The following RBPMS variants were observed in gnomAD, a reference collection of about 807,000 sequenced individuals.
RBPMS encodes RNA-binding protein with multiple splicing.
In RBPMS, 7 loss-of-function variants were observed where a neutral mutation model predicts 26.8. That is an observed-to-expected ratio of 0.26 (90% CI 0.15 to 0.49). The LOEUF is 0.49. Among genes scored for constraint, RBPMS ranks in the 20% least tolerant of loss-of-function variants. The probability of loss-of-function intolerance (pLI) is 0.98; values close to 1 mark genes in which losing one functional copy is unlikely to be tolerated. For synonymous variants in RBPMS, 96 were observed against 93.3 expected (o/e 1.03, Z -0.17); for missense variants, 186 against 250.0 (o/e 0.74, Z 1.73).
At chr8:30,490,552 G>A (rs1344000499) in intron 4 of RBPMS, among the ~76,000 whole-genome samples, 2 of 151,478 alleles carry the variant, frequency 1.3e-5, no homozygotes, top group Admixed American at 6.6e-5. Context: ...CTCTGCCTCC[G>A]GGGTTCAAGT....
chr8:30,529,241 A>G (rs2151006051), intron 5 of RBPMS, among the ~76,000 whole-genome samples: 1 of 152,158 alleles, frequency 6.6e-6, no homozygotes, highest in East Asian at 1.9e-4. Context: ...ATTGTGGTAA[A>G]ATATATATGA....
At chr8:30,511,489 ATAT>A (rs1821665380) in intron 5 of RBPMS, among the ~76,000 whole-genome samples, 3 of 7,576 alleles carry the variant, frequency 4.0e-4, no homozygotes, top group African/African-American at 8.8e-4. Flanking sequence ...AAAAAAAAAT[ATAT>A]ATATATATAT....
chr8:30,474,416 C>T (rs1365525064), intron 1 of RBPMS, among the ~76,000 whole-genome samples: 1 of 152,010 alleles, frequency 6.6e-6, no homozygotes, highest in Non-Finnish European at 1.5e-5. Flanking sequence ...TATATGGAAC[C>T]TCCCCCCATC....
At chr8:30,470,515 A>T (rs956224940) in intron 1 of RBPMS, among the ~76,000 whole-genome samples, 3 of 152,154 alleles carry the variant, frequency 2.0e-5, no homozygotes, top group African/African-American at 7.2e-5. Context: ...TAGTCTGAGG[A>T]GGTCTCTAGG....
At chr8:30,409,566 C>G (rs567686817) in intron 1 of RBPMS, among the ~76,000 whole-genome samples, 1 of 152,330 alleles carries the variant, frequency 6.6e-6, no homozygotes, top group East Asian at 1.9e-4. Flanking sequence ...GGCTTTCCCC[C>G]AATAGGACTG....
At chr8:30,548,272 C>T (rs1353444555) in intron 6 of RBPMS, among the ~76,000 whole-genome samples, 1 of 152,184 alleles carries the variant, frequency 6.6e-6, no homozygotes, top group Non-Finnish European at 1.5e-5. Context: ...ACACTTCCGC[C>T]TCTTAGGTTT....
intron 1 of RBPMS, among the ~76,000 whole-genome samples, chr8:30,463,559 G>A (rs911447115): frequency 1.3e-5 from 2 of 152,172 alleles, no homozygotes; most frequent in African/African-American, 4.8e-5. Flanking sequence ...CTTTTTTGAT[G>A]CAGTCTTAGA....
At chr8:30,438,826 T>C (rs1369042958) in intron 1 of RBPMS, among the ~76,000 whole-genome samples, 1 of 152,106 alleles carries the variant, frequency 6.6e-6, no homozygotes, top group African/African-American at 2.4e-5. Flanking sequence ...CCGGCTGGAG[T>C]GCAGTGGTGC....
chr8:30,453,723 A>G (rs1255377038), intron 1 of RBPMS: 1 of 152,208 alleles, frequency 6.6e-6, no homozygotes, highest in Non-Finnish European at 1.5e-5. Context: ...CCTCTGCTCC[A>G]AGATCAAGAA....
intron 5 of RBPMS, among the ~76,000 whole-genome samples, chr8:30,527,022 G>A (rs897757594): frequency 5.9e-5 from 9 of 152,204 alleles, no homozygotes; most frequent in African/African-American, 9.7e-5. Context: ...AAAAGGGCAT[G>A]CTAGCCTGTT....
At chr8:30,559,150 G>C (rs534702728) in intron 7 of RBPMS, among the ~76,000 whole-genome samples, 194 bp downstream of exon 7, 1 of 152,292 alleles carries the variant, frequency 6.6e-6, no homozygotes, top group South Asian at 2.1e-4. Context: ...CCTAGGTACG[G>C]GTGCTAGTCT....
intron 5 of RBPMS, among the ~76,000 whole-genome samples, chr8:30,529,274 G>C (rs1176889419): frequency 4.0e-5 from 6 of 150,850 alleles, no homozygotes; most frequent in Non-Finnish European, 7.4e-5. Context: ...ATTTTTTTTA[G>C]TGTACAATTC....
At chr8:30,425,125 T>C (rs1811207691) in intron 1 of RBPMS, among the ~76,000 whole-genome samples, 1 of 152,014 alleles carries the variant, frequency 6.6e-6, no homozygotes, top group Admixed American at 6.6e-5. Context: ...CCAACTAATT[T>C]TCTGTAGTTT....
At chr8:30,409,179 T>G (rs891417782) in intron 1 of RBPMS, among the ~76,000 whole-genome samples, 2 of 152,088 alleles carry the variant, frequency 1.3e-5, no homozygotes, top group Non-Finnish European at 2.9e-5. Context: ...CAATGTCTAG[T>G]GCCTAGAGCG....
At chr8:30,392,765 G>T (rs545442536) in intron 1 of RBPMS, among the ~76,000 whole-genome samples, 20 of 152,096 alleles carry the variant, frequency 1.3e-4, no homozygotes, top group Non-Finnish European at 2.6e-4. Context: ...TTTCTCCTTC[G>T]GGTGGCTAGC....
At chr8:30,504,109 T>C (rs1458038357) in intron 4 of RBPMS, among the ~76,000 whole-genome samples, 177 bp from the exon 5 acceptor site, 2 of 152,224 alleles carry the variant, frequency 1.3e-5, no homozygotes, top group Non-Finnish European at 2.9e-5. Flanking sequence ...TCCCACTGAC[T>C]TTCGGGACAC....
At chr8:30,391,499 C>T (rs1232780421) in intron 1 of RBPMS, among the ~76,000 whole-genome samples, 4 of 152,198 alleles carry the variant, frequency 2.6e-5, no homozygotes, top group Non-Finnish European at 4.4e-5. Context: ...GGAGAATGAA[C>T]CTTAAAAGCT....
chr8:30,411,994 A>C (rs925370082), intron 1 of RBPMS, among the ~76,000 whole-genome samples: 1 of 151,872 alleles, frequency 6.6e-6, no homozygotes, highest in Non-Finnish European at 1.5e-5. Context: ...TCAAAAAAAA[A>C]AAAAAAACAA....
intron 5 of RBPMS, among the ~76,000 whole-genome samples, chr8:30,524,297 T>C (rs1306005074): frequency 6.6e-6 from 1 of 152,146 alleles, no homozygotes; most frequent in East Asian, 1.9e-4. Context: ...ATGTATTTCA[T>C]TAAATTAAAA....
Sources: gnomAD v4.1 joint callset for allele counts (sites outside exome capture counted in the v4.1 genomes callset) on GRCh38, gnomAD v4.1.1 for gene constraint, MANE v1.5 for transcripts, NCBI Gene and HGNC (gene_info 2026-07-23, HGNC 2026-07-21) for gene names.